Variants in CDH13 observed in about 807,000 individuals in gnomAD.
The protein encoded by CDH13 is cadherin-13.
Under a neutral mutation model 63.8 loss-of-function variants are expected in CDH13, and 24 were observed. The observed-to-expected ratio is 0.38, with a 90% CI of 0.27 to 0.53. The LOEUF is 0.53. Among genes scored for constraint, CDH13 ranks in the 20% least tolerant of loss-of-function variants. The pLI is 0.85. For missense variants in CDH13, 1,049 were observed against 903.1 expected, an observed-to-expected ratio of 1.16 and a Z score of -2.07; for synonymous variants, 503 against 355.3, an observed-to-expected ratio of 1.42 and a Z score of -4.67.
chr16:83,237,495 T>C, intron 5 of CDH13, among the ~76,000 whole-genome samples: 1 of 152,254 alleles, frequency 6.6e-6, no homozygotes, highest in East Asian at 1.9e-4. Context: ...TAGATAGTAG[T>C]CCACGTGGTG....
intron 7 of CDH13, among the ~76,000 whole-genome samples, chr16:83,531,406 A>G (rs541702301): frequency 1.9e-4 from 29 of 152,268 alleles, no homozygotes; most frequent in Non-Finnish European, 4.1e-4. Flanking sequence ...ACCTATGACT[A>G]TGTTACCTTA....
chr16:83,321,925 G>C (rs140131276), intron 5 of CDH13, among the ~76,000 whole-genome samples: 6 of 152,342 alleles, frequency 3.9e-5, no homozygotes, highest in Non-Finnish European at 7.3e-5. Context: ...CTTGGGGCCA[G>C]ATTCAGTCCA....
At chr16:83,163,993 C>A in intron 4 of CDH13, among the ~76,000 whole-genome samples, 1 of 151,952 alleles carries the variant, frequency 6.6e-6, no homozygotes, top group Admixed American at 6.6e-5. Context: ...AAGCATTTTG[C>A]AAACATTATC....
chr16:82,759,157 T>A (rs762806489), intron 1 of CDH13, among the ~76,000 whole-genome samples: 1 of 152,092 alleles, frequency 6.6e-6, no homozygotes, highest in Non-Finnish European at 1.5e-5. Context: ...TGTGAGACAA[T>A]TGTGAGTCAG....
chr16:83,549,103 C>G (rs1018483796), intron 7 of CDH13, among the ~76,000 whole-genome samples: 1 of 152,156 alleles, frequency 6.6e-6, no homozygotes, highest in African/African-American at 2.4e-5. Flanking sequence ...CCCAGGTGAC[C>G]TGGTGAGAGC....
intron 6 of CDH13, among the ~76,000 whole-genome samples, chr16:83,425,338 C>T (rs1372470098): frequency 6.6e-6 from 1 of 152,216 alleles, no homozygotes; most frequent in Non-Finnish European, 1.5e-5. Flanking sequence ...TGGCTCTTGC[C>T]TGAAGCAATC....
In CDH13 at chr16:83,466,561, A is replaced by T. The variant is rs572283682; in HGVS notation, c.782-19916A>T. Among the ~76,000 whole-genome samples the T allele has an allele frequency of 2.0e-5, 3 of 152,298 alleles. No individual in the cohort carries two copies. The South Asian group carries it at 6.2e-4, about 32-fold the overall frequency. Reference sequence around the variant, plus strand: ...CATTTTCCCTTAACACACTCCCCCTAATGACCTCCACCTGGCAACCTTCAT... The same window carrying T: ...CATTTTCCCTTAACACACTCCCCCTTATGACCTCCACCTGGCAACCTTCAT... On this transcript the variant is annotated intron_variant, in intron 6 of 13. Coordinates refer to ENST00000567109, the MANE Select transcript of CDH13 (RefSeq NM_001257.5).
At chr16:83,443,305 C>T (rs1229978045) in intron 6 of CDH13, among the ~76,000 whole-genome samples, 3 of 152,118 alleles carry the variant, frequency 2.0e-5, no homozygotes, top group Non-Finnish European at 4.4e-5. Flanking sequence ...GGCCCTTCCG[C>T]AACAGGTGTT....
At chr16:83,467,458 C>T (rs888156125) in intron 6 of CDH13, among the ~76,000 whole-genome samples, 1 of 152,120 alleles carries the variant, frequency 6.6e-6, no homozygotes, top group South Asian at 2.1e-4. Flanking sequence ...GGAGTGCAGA[C>T]ATCTTGAGAT....
At chr16:83,373,437 G>A (rs1041826610) in intron 6 of CDH13, among the ~76,000 whole-genome samples, 2 of 152,146 alleles carry the variant, frequency 1.3e-5, no homozygotes, top group Non-Finnish European at 2.9e-5. Flanking sequence ...CTTCTGGATA[G>A]CATGAGAAGC....
intron 2 of CDH13, among the ~76,000 whole-genome samples, chr16:82,952,021 C>T (rs1905365889): frequency 6.6e-6 from 1 of 152,210 alleles, no homozygotes; most frequent in Non-Finnish European, 1.5e-5. Flanking sequence ...TTCACTGGAA[C>T]ATTGTGTTGT....
intron 6 of CDH13, among the ~76,000 whole-genome samples, chr16:83,463,148 C>A (rs2073222625): frequency 6.6e-6 from 1 of 152,114 alleles, no homozygotes; most frequent in Non-Finnish European, 1.5e-5. Flanking sequence ...TGAGATGAAG[C>A]AGGAACAACC....
intron 2 of CDH13, among the ~76,000 whole-genome samples, chr16:83,018,295 C>T (rs1915007154): frequency 6.6e-6 from 1 of 152,168 alleles, no homozygotes; most frequent in African/African-American, 2.4e-5. Context: ...CTTCTAGACG[C>T]TAAGTATCAT....
At chr16:82,774,864 G>A (rs1480465685) in intron 1 of CDH13, among the ~76,000 whole-genome samples, 1 of 152,180 alleles carries the variant, frequency 6.6e-6, no homozygotes, top group Non-Finnish European at 1.5e-5. Flanking sequence ...CCCTCCTATG[G>A]CTCCTCTGTT....
intron 7 of CDH13, among the ~76,000 whole-genome samples, chr16:83,511,202 C>T (rs1474459196): frequency 6.6e-6 from 1 of 152,234 alleles, no homozygotes; most frequent in African/African-American, 2.4e-5. Flanking sequence ...TGGCTCACAC[C>T]TGTGATCCCA....
chr16:83,489,598 A>G (rs1410256827), intron 7 of CDH13, among the ~76,000 whole-genome samples: 1 of 152,236 alleles, frequency 6.6e-6, no homozygotes, highest in East Asian at 1.9e-4. Flanking sequence ...AAACTTGCAC[A>G]TCAGATGTCC....
At chr16:82,847,678 G>A (rs1017576660) in intron 1 of CDH13, among the ~76,000 whole-genome samples, 4 of 152,200 alleles carry the variant, frequency 2.6e-5, no homozygotes, top group African/African-American at 9.7e-5. Flanking sequence ...GGAGTAGGGT[G>A]AGGACATCTT....
intron 3 of CDH13, among the ~76,000 whole-genome samples, chr16:83,110,542 A>G (rs1383711889): frequency 6.6e-6 from 1 of 152,184 alleles, no homozygotes; most frequent in Non-Finnish European, 1.5e-5. Context: ...GGTGTAGTGA[A>G]GGCAGCACAT....
intron 3 of CDH13, among the ~76,000 whole-genome samples, chr16:83,119,380 C>T (rs1386341670): frequency 6.6e-6 from 1 of 152,088 alleles, no homozygotes; most frequent in African/African-American, 2.4e-5. Flanking sequence ...CCTCATGTCC[C>T]CTAGAAATCT....
Sources: gnomAD v4.1 joint callset for allele counts (sites outside exome capture counted in the v4.1 genomes callset) on GRCh38, gnomAD v4.1.1 for gene constraint, MANE v1.5 for transcripts, NCBI Gene and HGNC (gene_info 2026-07-23, HGNC 2026-07-21) for gene names.